Variants in SOX5 observed in about 807,000 individuals in gnomAD.
SOX5 encodes transcription factor SOX-5.
In SOX5, 9 loss-of-function variants were observed where a neutral mutation model predicts 92.0. The observed-to-expected ratio is 0.10, with a 90% CI of 0.06 to 0.17. SOX5 has a LOEUF of 0.17. SOX5 is among the 10% of genes least tolerant of loss of function. SOX5 has a pLI of 1.00. For missense variants in SOX5, 642 were observed against 944.5 expected (o/e 0.68, Z 4.20); for synonymous variants, 344 against 336.3 (o/e 1.02, Z -0.25).
At chr12:24,257,494 A>T (rs1941395287) in intron 3 of SOX5, among the ~76,000 whole-genome samples, 1 of 151,914 alleles carries the variant, frequency 6.6e-6, no homozygotes, top group Non-Finnish European at 1.5e-5. Flanking sequence ...TCTGAAACAG[A>T]ATCTTGCTCT....
chr12:23,893,853 T>C (rs2097152622), intron 2 of SOX5, among the ~76,000 whole-genome samples: 1 of 152,228 alleles, frequency 6.6e-6, no homozygotes, highest in African/African-American at 2.4e-5. Context: ...GTTTCATCAT[T>C]GTACATAACT....
At chr12:24,002,927 CAATAT>C (rs60906637) in intron 4 of SOX5, among the ~76,000 whole-genome samples, 62,390 of 151,410 alleles carry the variant, frequency 0.41, 13,311 homozygotes, top group East Asian at 0.69. Flanking sequence ...AAAATTTGAG[CAATAT>C]ATTAACAAAC....
At chr12:23,803,206 T>C (rs987261109) in intron 3 of SOX5, among the ~76,000 whole-genome samples, 7 of 152,304 alleles carry the variant, frequency 4.6e-5, no homozygotes, top group African/African-American at 1.7e-4. Context: ...TTTCAAGTTC[T>C]AATTTCTTAT....
intron 2 of SOX5, among the ~76,000 whole-genome samples, chr12:23,850,459 A>T (rs2096620867): frequency 1.1e-5 from 1 of 89,208 alleles, no homozygotes; most frequent in Admixed American, 1.4e-4. Flanking sequence ...AATAAAAAAA[A>T]AATAAATAAA....
intron 9 of SOX5, among the ~76,000 whole-genome samples, chr12:23,589,776 C>G (rs751120631): frequency 2.2e-4 from 33 of 150,242 alleles, no homozygotes; most frequent in Non-Finnish European, 2.2e-4. Flanking sequence ...TCTTATTCTA[C>G]TCATACTGCC....
chr12:24,316,557 T>TGAAG (rs887828216), intron 2 of SOX5, among the ~76,000 whole-genome samples: 3 of 151,978 alleles, frequency 2.0e-5, no homozygotes, highest in East Asian at 1.9e-4. Flanking sequence ...CTTTTGGGTG[T>TGAAG]GAAGGAAGGA....
chr12:24,323,442 CTA>C (rs963832438), intron 2 of SOX5, among the ~76,000 whole-genome samples: 39 of 151,888 alleles, frequency 2.6e-4, no homozygotes, highest in African/African-American at 9.4e-4. Context: ...CACTCAAACT[CTA>C]AAACCATTTC....
chr12:23,761,501 G>A (rs1029286194), intron 3 of SOX5, among the ~76,000 whole-genome samples: 1 of 152,074 alleles, frequency 6.6e-6, no homozygotes, highest in Non-Finnish European at 1.5e-5. Context: ...GGCTCAATAC[G>A]ATTTGGGTAA....
chr12:24,324,774 G>A (rs509408), intron 2 of SOX5, among the ~76,000 whole-genome samples: 18,525 of 151,774 alleles, frequency 0.12, 1,470 homozygotes, highest in South Asian at 0.18. Context: ...CTACCTCATA[G>A]GGTTATCATG....
chr12:23,792,372 C>T (rs1326938518), intron 3 of SOX5, among the ~76,000 whole-genome samples: 4 of 151,756 alleles, frequency 2.6e-5, no homozygotes, highest in Non-Finnish European at 5.9e-5. Flanking sequence ...TGACTGTAAT[C>T]CCAGAACTTT....
intron 1 of SOX5, among the ~76,000 whole-genome samples, chr12:24,559,747 T>C (rs916438548): frequency 6.6e-6 from 1 of 152,220 alleles, no homozygotes; most frequent in South Asian, 2.1e-4. Context: ...ACTCTTTTGC[T>C]ATTTACTATT....
At chr12:24,109,072 T>C (rs1947023007) in intron 4 of SOX5, among the ~76,000 whole-genome samples, 1 of 152,188 alleles carries the variant, frequency 6.6e-6, no homozygotes. Context: ...CCTAATGTTT[T>C]AACAACATTT....
chr12:23,846,826 CAACTTCATTTGTTACATGA>C (rs958842410), intron 2 of SOX5, among the ~76,000 whole-genome samples: 11 of 152,144 alleles, frequency 7.2e-5, no homozygotes, highest in Non-Finnish European at 5.9e-5. Flanking sequence ...AAGACATTTT[CAACTTCATTTGTTACATGA>C]AGCACAGTTT....
At chr12:24,275,192 T>C (rs1245580657) in intron 3 of SOX5, among the ~76,000 whole-genome samples, 2 of 152,194 alleles carry the variant, frequency 1.3e-5, no homozygotes, top group Non-Finnish European at 2.9e-5. Flanking sequence ...AATTTTAATA[T>C]TAAATTATAC....
At chr12:23,704,715 T>C (rs570434026) in intron 6 of SOX5, among the ~76,000 whole-genome samples, 24,239 of 108,366 alleles carry the variant, frequency 0.22, 2,811 homozygotes, top group Middle Eastern at 0.28. Flanking sequence ...TATATATATA[T>C]ACACACACAC....
intron 3 of SOX5, among the ~76,000 whole-genome samples, chr12:23,791,186 C>G (rs1254813472): frequency 1.3e-5 from 2 of 152,224 alleles, no homozygotes; most frequent in South Asian, 2.1e-4. Context: ...ACACAAAACA[C>G]TTTCTTGGGT....
intron 7 of SOX5, among the ~76,000 whole-genome samples, chr12:23,648,784 G>A (rs2081198126): frequency 6.6e-6 from 1 of 152,136 alleles, no homozygotes; most frequent in Non-Finnish European, 1.5e-5. Context: ...CATGCAATAT[G>A]TTTGCCATAT....
chr12:24,283,286 C>T (rs1048169452), intron 2 of SOX5, among the ~76,000 whole-genome samples: 3 of 152,204 alleles, frequency 2.0e-5, no homozygotes, highest in Admixed American at 6.5e-5. Context: ...CTGTCTTGCT[C>T]AGAGCCAAGA....
At chr12:24,427,978 C>T (rs1966866730) in intron 1 of SOX5, among the ~76,000 whole-genome samples, 1 of 152,138 alleles carries the variant, frequency 6.6e-6, no homozygotes, top group Admixed American at 6.5e-5. Flanking sequence ...AGATTTTGAG[C>T]CTAGACTGAA....
Sources: allele counts gnomAD v4.1 joint callset (sites outside exome capture counted in the v4.1 genomes callset), GRCh38; gene constraint gnomAD v4.1.1; transcripts MANE v1.5; gene names NCBI Gene and HGNC (gene_info 2026-07-23, HGNC 2026-07-21).